Variants in RNMT observed in about 807,000 individuals in gnomAD.
RNMT encodes RNA guanine-7 methyltransferase.
RNMT carries 27 observed loss-of-function variants against 56.0 expected under a neutral mutation model. That is an observed-to-expected ratio of 0.48 (90% CI 0.36 to 0.67). RNMT has a LOEUF of 0.67. Among genes scored for constraint, RNMT ranks in the 30% least tolerant of loss-of-function variants. RNMT has a pLI of 0.00. For synonymous variants in RNMT, 184 were observed against 176.2 expected (o/e 1.04, Z -0.35); for missense variants, 519 against 552.1 (o/e 0.94, Z 0.60).
In RNMT at chr18:13,762,337, G is replaced by A. The variant is rs2044630959; in HGVS notation, c.*2358G>A. ...ACTAGTGGCTTGTGTTCAGGGAGAG[G>A]AGCTGGCAGTTTTTAACCACTTCTG... On this transcript the variant is annotated 3_prime_UTR_variant, in exon 12 of 12. Transcript: ENST00000383314. 2.8e-6 allele frequency: 2 copies of A among 717,744 alleles called. No individual in the cohort carries two copies. The highest frequency in any genetic ancestry group is 1.9e-5 in the South Asian group (1 of 52,150). The allele number at this position is 717,744 out of a possible 1,614,324, so 44.5% of individuals were successfully genotyped here. A position where few individuals can be genotyped will look rare whatever the true frequency, so the allele number is the denominator to read the frequency against.
intron 9 of RNMT, among the ~76,000 whole-genome samples, chr18:13,747,457 C>G (rs1015972392): frequency 2.0e-5 from 3 of 152,158 alleles, no homozygotes; most frequent in African/African-American, 7.2e-5. Flanking sequence ...CCTCATCAAG[C>G]AATCCTCCCG....
chr18:13,761,763 A>G lies in RNMT; in HGVS notation c.*1784A>G. The stretch of plus-strand genomic sequence containing the variant: ...GGAGGCTTACTGGAGCCACACCTGC[A>G]GGCGCTGTGTTCAGGCACCACCTTC... On this transcript the variant is annotated 3_prime_UTR_variant, in exon 12 of 12. Coordinates refer to ENST00000383314, the MANE Select transcript of RNMT (RefSeq NM_003799.3). The G allele has an allele frequency of 8.3e-7, 1 of 1,201,440 alleles. No homozygotes were observed. The highest frequency in any genetic ancestry group is 1.0e-6 in the Non-Finnish European group (1 of 961,324). 74.4% of individuals were successfully genotyped at this position (1,201,440 alleles called of 1,614,324 possible). A position where few individuals can be genotyped will look rare whatever the true frequency, so the allele number is the denominator to read the frequency against.
At chr18:13,745,851 G>A (rs928829353) in intron 8 of RNMT, among the ~76,000 whole-genome samples, 1 of 152,186 alleles carries the variant, frequency 6.6e-6, no homozygotes, top group Non-Finnish European at 1.5e-5. Flanking sequence ...AGATGAAAGT[G>A]AATCTTTAAG....
At chr18:13,753,851 A>ACACACACACACACACACACACAC (rs57946366) in intron 10 of RNMT, among the ~76,000 whole-genome samples, 1 of 148,736 alleles carries the variant, frequency 6.7e-6, no homozygotes, top group Non-Finnish European at 1.5e-5. Context: ...ACACACACAC[A>ACACACACACACACACACACACAC]ATGCCCTCTT....
intron 8 of RNMT, among the ~76,000 whole-genome samples, chr18:13,744,720 C>T (rs2149095846): frequency 6.6e-6 from 1 of 152,250 alleles, no homozygotes; most frequent in South Asian, 2.1e-4. Context: ...AGTGGCCCTC[C>T]AGTGTTTGCC....
chr18:13,763,102 A>G lies in RNMT; in HGVS notation c.*3123A>G, dbSNP rs1376357240. ...GAAGTTGTACCAAAATGCCTGTGGT[A>G]CTTGATGGCCTGTTGGTCAAATAGG... On this transcript the variant is annotated 3_prime_UTR_variant, in exon 12 of 12. Transcript: ENST00000383314. The G allele has an allele frequency of 6.6e-6, 3 of 455,952 alleles. No individual in the cohort carries two copies. Among genetic ancestry groups the G allele is most frequent in the East Asian group, 1.4e-4 (2 of 14,402 alleles). The allele number at this position is 455,952 out of a possible 1,614,324, so 28.2% of individuals were successfully genotyped here.
intron 2 of RNMT, 68 bp from the exon 3 acceptor site, chr18:13,731,408 C>CAA (rs61281036): frequency 0.12 from 72,257 of 626,904 alleles, no homozygotes; most frequent in East Asian, 0.16. Context: ...AACTCCGTCT[C>CAA]AAAAAAAAAA....
intron 9 of RNMT, among the ~76,000 whole-genome samples, chr18:13,748,845 C>T (rs2044392632): frequency 2.0e-5 from 3 of 152,056 alleles, no homozygotes; most frequent in South Asian, 2.1e-4. Context: ...TTTGGGAGGC[C>T]AAGGCGGGCA....
Position 13,762,851 on chromosome 18 carries a change from C to G in RNMT, c.*2872C>G. ...TTTTGATTTGTATTCAAGTACTCTT[C>G]AAGTATCTTTGTAATGAAGGTTTGG... On this transcript the variant is annotated 3_prime_UTR_variant, in exon 12 of 12. Coordinates refer to ENST00000383314, the MANE Select transcript of RNMT (RefSeq NM_003799.3). 1 of 307,066 alleles carries G rather than the reference C, an allele frequency of 3.3e-6. No homozygotes were observed. The highest frequency in any genetic ancestry group is 7.7e-5 in the East Asian group (1 of 12,976). 19.0% of individuals were successfully genotyped at this position (307,066 alleles called of 1,614,324 possible).
chr18:13,754,497 ACT>A lies in RNMT; in HGVS notation c.1393+354_1393+355del, dbSNP rs570223212. On this transcript the variant is annotated intron_variant, in intron 11 of 11. Coordinates refer to ENST00000383314, the MANE Select transcript of RNMT (RefSeq NM_003799.3). ...ACTCCAGTCTGGGCAACACAGCGAG[ACT>A]CTCAAAAAAAAATCTGAAAACTTTG... Among the ~76,000 whole-genome samples the A allele has an allele frequency of 4.3e-3, 658 of 151,860 alleles. 7 individuals are homozygous for A. Among genetic ancestry groups the A allele is most frequent in the Middle Eastern group, 0.01 (3 of 294 alleles).
chr18:13,757,504 T>G (rs1462023063), intron 11 of RNMT, among the ~76,000 whole-genome samples: 2 of 152,208 alleles, frequency 1.3e-5, no homozygotes, highest in Non-Finnish European at 2.9e-5. Context: ...TTACCAGAAG[T>G]AGATTCTATC....
Position 13,762,291 on chromosome 18 carries a change from C to A in RNMT, c.*2312C>A. ...AATGCTGATGTTGAATTCTTTGGGC[C>A]TAGAATATACTTGAGAAAGCACTAG... On this transcript the variant is annotated 3_prime_UTR_variant, in exon 12 of 12. Coordinates refer to ENST00000383314, the MANE Select transcript of RNMT (RefSeq NM_003799.3). 1 of 1,070,266 alleles carries A rather than the reference C, an allele frequency of 9.3e-7. No individual in the cohort carries two copies. The highest frequency in any genetic ancestry group is 1.3e-6 in the Non-Finnish European group (1 of 764,888). 66.3% of individuals were successfully genotyped at this position (1,070,266 alleles called of 1,614,324 possible).
In RNMT at chr18:13,760,415, A is replaced by C; in HGVS notation, c.*436A>C. The C allele has an allele frequency of 1.0e-6, 1 of 989,164 alleles. No individual in the cohort carries two copies. 61.3% of individuals were successfully genotyped at this position (989,164 alleles called of 1,614,324 possible). On this transcript the variant is annotated 3_prime_UTR_variant, in exon 12 of 12. Transcript: ENST00000383314. ...TGGTTTTGTTATATAGCATTTTTCAACATTTAATGGTCTGTACAGTTGAAT... is the reference window on the plus strand; with the variant it reads ...TGGTTTTGTTATATAGCATTTTTCACCATTTAATGGTCTGTACAGTTGAAT...
At chr18:13,756,439 G>A (rs2044544459) in intron 11 of RNMT, among the ~76,000 whole-genome samples, 1 of 152,056 alleles carries the variant, frequency 6.6e-6, no homozygotes, top group Non-Finnish European at 1.5e-5. Context: ...GTGGGATTTG[G>A]CAGGGCTGGG....
intron 9 of RNMT, among the ~76,000 whole-genome samples, chr18:13,746,955 A>G (rs953264385): frequency 7.9e-5 from 12 of 152,180 alleles, no homozygotes; most frequent in African/African-American, 2.7e-4. Flanking sequence ...TGCAGCAGTG[A>G]AGGTATCTAT....
chr18:13,750,553 G>A (rs1295035934), intron 9 of RNMT, among the ~76,000 whole-genome samples: 3 of 152,074 alleles, frequency 2.0e-5, no homozygotes, highest in South Asian at 2.1e-4. Flanking sequence ...TGATCTCAGC[G>A]CTTTGGGAGG....
intron 8 of RNMT, among the ~76,000 whole-genome samples, chr18:13,744,835 A>G (rs1033475486): frequency 8.5e-5 from 13 of 152,126 alleles, no homozygotes; most frequent in African/African-American, 1.2e-4. Context: ...GCCTGAAGTC[A>G]TCTCCAGGCT....
chr18:13,744,156 C>CTTTTT (rs1555794897), intron 8 of RNMT, among the ~76,000 whole-genome samples: 2 of 25,954 alleles, frequency 7.7e-5, no homozygotes, highest in African/African-American at 3.0e-4. Context: ...ACCTAGCGGT[C>CTTTTT]TTCTTTTTTT....
intron 9 of RNMT, 34 bp downstream of exon 9, chr18:13,746,371 C>T: frequency 8.2e-7 from 1 of 1,217,122 alleles, no homozygotes; most frequent in African/African-American, 1.5e-5. Flanking sequence ...AAATTTCAGT[C>T]ATGGTGAACT....
Sources: gnomAD v4.1 joint callset for allele counts (sites outside exome capture counted in the v4.1 genomes callset) on GRCh38, gnomAD v4.1.1 for gene constraint, MANE v1.5 for transcripts, NCBI Gene and HGNC (gene_info 2026-07-23, HGNC 2026-07-21) for gene names.